The following DPP10 variants were observed in gnomAD, a reference collection of about 807,000 sequenced individuals.
DPP10 encodes the protein dipeptidyl peptidase like 10.
Under a neutral mutation model 120.9 loss-of-function variants are expected in DPP10, and 33 were observed. That is an observed-to-expected ratio of 0.27 (90% CI 0.21 to 0.37). The LOEUF is 0.37. Among genes scored for constraint, DPP10 ranks in the 10% least tolerant of loss-of-function variants. The pLI is 1.00. For synonymous variants in DPP10, 337 were observed against 326.1 expected (o/e 1.03, Z -0.36); for missense variants, 816 against 942.8 (o/e 0.87, Z 1.76).
intron 2 of DPP10, among the ~76,000 whole-genome samples, chr2:115,315,469 A>G (rs897623665): frequency 6.6e-6 from 1 of 152,160 alleles, no homozygotes; most frequent in Non-Finnish European, 1.5e-5. Flanking sequence ...TTAAAATGTT[A>G]TGTTGTACTA....
At chr2:115,316,986 G>A (rs1296652262) in intron 2 of DPP10, among the ~76,000 whole-genome samples, 1 of 152,150 alleles carries the variant, frequency 6.6e-6, no homozygotes, top group Non-Finnish European at 1.5e-5. Flanking sequence ...GTTGGCACAT[G>A]CTACTCAGGA....
At chr2:115,169,443 A>C (rs1377987125) in intron 1 of DPP10, among the ~76,000 whole-genome samples, 1 of 149,650 alleles carries the variant, frequency 6.7e-6, no homozygotes, top group Non-Finnish European at 1.5e-5. Context: ...CACTATACAC[A>C]CACATATATA....
At chr2:114,802,151 A>G (rs765891974) in intron 1 of DPP10, among the ~76,000 whole-genome samples, 4 of 152,218 alleles carry the variant, frequency 2.6e-5, no homozygotes, top group Non-Finnish European at 4.4e-5. Flanking sequence ...AAGTAAAAGA[A>G]TATAAATTAT....
chr2:114,485,921 T>A (rs1189329103), intron 1 of DPP10, among the ~76,000 whole-genome samples: 1 of 151,940 alleles, frequency 6.6e-6, no homozygotes, highest in African/African-American at 2.4e-5. Context: ...GGAAGAAGGG[T>A]TGGGGCTAGG....
At chr2:115,311,608 T>A (rs973986718) in intron 2 of DPP10, among the ~76,000 whole-genome samples, 1 of 152,164 alleles carries the variant, frequency 6.6e-6, no homozygotes, top group African/African-American at 2.4e-5. Flanking sequence ...CTGTTGTAGT[T>A]GGCCCTGCAC....
intron 2 of DPP10, among the ~76,000 whole-genome samples, chr2:115,337,687 AGAT>A (rs2063225965): frequency 7.1e-6 from 1 of 141,344 alleles, no homozygotes; most frequent in South Asian, 2.3e-4. Context: ...AAAAAAAAAA[AGAT>A]AGAGGATAGA....
At chr2:114,566,134 C>G (rs553017452) in intron 1 of DPP10, among the ~76,000 whole-genome samples, 1 of 152,088 alleles carries the variant, frequency 6.6e-6, no homozygotes, top group Non-Finnish European at 1.5e-5. Flanking sequence ...GTTCAATTAT[C>G]AGAAGCGTTT....
chr2:115,589,960 T>G (rs953452675), intron 5 of DPP10, among the ~76,000 whole-genome samples: 1 of 152,096 alleles, frequency 6.6e-6, no homozygotes, highest in Non-Finnish European at 1.5e-5. Flanking sequence ...GGCCCTATAA[T>G]GTTCTTTTCA....
At chr2:115,506,448 T>G (rs1413362046) in intron 4 of DPP10, among the ~76,000 whole-genome samples, 1 of 152,100 alleles carries the variant, frequency 6.6e-6, no homozygotes, top group Admixed American at 6.6e-5. Flanking sequence ...ATAAATCTAG[T>G]GTAGTCTTGA....
chr2:114,872,506 G>T (rs147565396), intron 1 of DPP10, among the ~76,000 whole-genome samples: 72 of 152,288 alleles, frequency 4.7e-4, no homozygotes, highest in African/African-American at 1.7e-3. Flanking sequence ...CTTTTAGTAG[G>T]TGGCAGGTAA....
At chr2:114,757,823 A>G (rs964966218) in intron 1 of DPP10, among the ~76,000 whole-genome samples, 1 of 152,140 alleles carries the variant, frequency 6.6e-6, no homozygotes, top group Non-Finnish European at 1.5e-5. Context: ...TGTGTCCTCA[A>G]GCTTGAGAAC....
intron 1 of DPP10, among the ~76,000 whole-genome samples, chr2:115,291,612 T>C (rs2060657831): frequency 6.6e-6 from 1 of 152,106 alleles, no homozygotes; most frequent in South Asian, 2.1e-4. Flanking sequence ...ATTTTTTTCA[T>C]CACTACCTTT....
At chr2:114,944,684 G>C (rs1404169799) in intron 1 of DPP10, among the ~76,000 whole-genome samples, 2 of 152,102 alleles carry the variant, frequency 1.3e-5, no homozygotes, top group African/African-American at 4.8e-5. Context: ...CTGAATGAGC[G>C]CTAAGGTTTT....
At chr2:114,615,056 A>G (rs954632634) in intron 1 of DPP10, among the ~76,000 whole-genome samples, 6 of 152,314 alleles carry the variant, frequency 3.9e-5, no homozygotes, top group South Asian at 2.1e-4. Context: ...TAGTGAGTCC[A>G]TGGAATGTAG....
intron 1 of DPP10, among the ~76,000 whole-genome samples, chr2:115,030,074 T>A (rs1703734648): frequency 6.6e-6 from 1 of 152,182 alleles, no homozygotes; most frequent in Non-Finnish European, 1.5e-5. Flanking sequence ...TTTCTTCAAC[T>A]CAGAGATACC....
At chr2:114,503,659 A>C (rs1683391860) in intron 1 of DPP10, among the ~76,000 whole-genome samples, 1 of 152,172 alleles carries the variant, frequency 6.6e-6, no homozygotes, top group African/African-American at 2.4e-5. Context: ...ACAAGAAGGG[A>C]AGGGGGTTGG....
At chr2:114,670,426 A>G (rs1698247785) in intron 1 of DPP10, among the ~76,000 whole-genome samples, 1 of 152,144 alleles carries the variant, frequency 6.6e-6, no homozygotes, top group African/African-American at 2.4e-5. Context: ...AAACTATCGC[A>G]AGGACAAAAA....
chr2:115,399,786 ACTT>A (rs2067933451), intron 3 of DPP10, among the ~76,000 whole-genome samples: 1 of 152,222 alleles, frequency 6.6e-6, no homozygotes, highest in East Asian at 1.9e-4. Flanking sequence ...TCTTTACTGA[ACTT>A]CTTCTAAGTG....
intron 3 of DPP10, among the ~76,000 whole-genome samples, chr2:115,491,929 G>T (rs2076147711): frequency 6.6e-6 from 1 of 152,156 alleles, no homozygotes; most frequent in Non-Finnish European, 1.5e-5. Flanking sequence ...TCACTAAACT[G>T]ACCCAGCAGG....
Sources: gnomAD v4.1 joint callset for allele counts (sites outside exome capture counted in the v4.1 genomes callset) on GRCh38, gnomAD v4.1.1 for gene constraint, MANE v1.5 for transcripts, NCBI Gene and HGNC (gene_info 2026-07-23, HGNC 2026-07-21) for gene names.